Variants in CNOT2 observed in about 807,000 individuals in gnomAD.
CNOT2 encodes CCR4-NOT transcription complex subunit 2, also known as CC chemokine receptor 4-negative regulator of transcription 2.
A neutral mutation model predicts 72.1 loss-of-function variants in CNOT2; 7 were observed. That is an observed-to-expected ratio of 0.10 (90% CI 0.06 to 0.18). CNOT2 has a LOEUF of 0.18. Ranked by LOEUF, CNOT2 falls within the 10% of genes least tolerant of loss-of-function variation. CNOT2 has a pLI of 1.00. For missense variants in CNOT2, 345 were observed against 660.3 expected (o/e 0.52, Z 5.23); for synonymous variants, 196 against 225.6 (o/e 0.87, Z 1.17).
At chr12:70,284,314 C>T (rs4761193) in intron 2 of CNOT2, among the ~76,000 whole-genome samples, 11,991 of 151,546 alleles carry the variant, frequency 0.079, 583 homozygotes, top group Admixed American at 0.15. Flanking sequence ...GCACCATCTC[C>T]GCTCACTGCA....
At chr12:70,330,220 T>C in intron 5 of CNOT2, 67 bp from the exon 6 acceptor site, 4 of 711,498 alleles carry the variant, frequency 5.6e-6, no homozygotes, top group Non-Finnish European at 9.3e-6. Context: ...GACCAATTGA[T>C]TATTTAAAGA....
In CNOT2 at chr12:70,354,374, A is replaced by G. The variant is rs1883236591; in HGVS notation, c.*459A>G. 1 of 154,112 alleles carries G rather than the reference A, an allele frequency of 6.5e-6. No homozygotes were observed. The highest frequency in any genetic ancestry group is 1.4e-5 in the Non-Finnish European group (1 of 69,246). 9.5% of individuals were successfully genotyped at this position (154,112 alleles called of 1,614,324 possible). ...TATGTGAAGATCCTTCTCGTATTTC[A>G]TTTGGAAAGATGAGCAAGAGGTCTG... On this transcript the variant is annotated 3_prime_UTR_variant, in exon 16 of 16. Coordinates refer to ENST00000229195, the MANE Select transcript of CNOT2 (RefSeq NM_014515.7).
At chr12:70,342,872 T>C (rs1044738966) in intron 13 of CNOT2, among the ~76,000 whole-genome samples, 8 of 152,186 alleles carry the variant, frequency 5.3e-5, no homozygotes, top group African/African-American at 1.7e-4. Context: ...TACCTAAATT[T>C]TAGCCTTGGG....
rs1223979770 is a variant in CNOT2 at position 70,310,915 on chromosome 12, T to C, written c.69T>C (p.Gly23=). ...RNYQVTNSMF[G]ASRKKFVEGV... ...TTTAGGTGACAAACAGCATGTTTGG[T>C]GCTTCAAGAAAGAAGTTTGTAGAGG... Residue 23 remains glycine (G), a synonymous_variant, in exon 3 of 16, where the codon GGT becomes GGC. Coordinates refer to ENST00000229195, the MANE Select transcript of CNOT2 (RefSeq NM_014515.7). 6.2e-7 allele frequency: 1 copy of C among 1,611,770 alleles called. No individual in the cohort carries two copies. The highest frequency in any genetic ancestry group is 8.5e-7 in the Non-Finnish European group (1 of 1,178,482).
rs1377227732 is a variant in CNOT2, at chr12:70,289,997, T to C, written c.48+11723T>C. Among the ~76,000 whole-genome samples, 7 of 152,176 alleles carry C rather than the reference T, an allele frequency of 4.6e-5. No homozygotes were observed. The East Asian group carries it at 1.2e-3, about 25-fold the overall frequency. On this transcript the variant is annotated intron_variant, in intron 2 of 15. Coordinates refer to ENST00000229195, the MANE Select transcript of CNOT2 (RefSeq NM_014515.7). ...CTTGTGGTTGCAGTTAAGTTACTTATAATAGAAGCCATTTGATCTTTGAGA... is the reference window on the plus strand; with the variant it reads ...CTTGTGGTTGCAGTTAAGTTACTTACAATAGAAGCCATTTGATCTTTGAGA...
chr12:70,250,187 A>C (rs922250920), intron 1 of CNOT2, among the ~76,000 whole-genome samples: 1 of 152,154 alleles, frequency 6.6e-6, no homozygotes, highest in African/African-American at 2.4e-5. Flanking sequence ...GTGAAGCACA[A>C]ATAAGTGAAA....
intron 15 of CNOT2, chr12:70,348,078 A>C (rs957161037): frequency 6.6e-6 from 1 of 152,242 alleles, no homozygotes; most frequent in East Asian, 1.9e-4. Context: ...TATGAAGATT[A>C]AATGAGATTT....
At chr12:70,320,775 T>C (rs930213040) in intron 4 of CNOT2, among the ~76,000 whole-genome samples, 4 of 151,718 alleles carry the variant, frequency 2.6e-5, no homozygotes, top group Admixed American at 2.6e-4. Flanking sequence ...AAAGTAGATA[T>C]GGATTGGAGA....
chr12:70,284,045 G>A (rs553843332), intron 2 of CNOT2, among the ~76,000 whole-genome samples: 38 of 148,382 alleles, frequency 2.6e-4, no homozygotes, highest in East Asian at 1.6e-3. Flanking sequence ...GGGTTGAAGC[G>A]ATTCTCCTGC....
intron 1 of CNOT2, among the ~76,000 whole-genome samples, chr12:70,264,212 C>T (rs1251502976): frequency 6.6e-6 from 1 of 152,088 alleles, no homozygotes; most frequent in Non-Finnish European, 1.5e-5. Flanking sequence ...GAGGTCTGTT[C>T]CTAGCTATCT....
chr12:70,299,623 T>C (rs181078443), intron 2 of CNOT2, among the ~76,000 whole-genome samples: 186 of 152,318 alleles, frequency 1.2e-3, no homozygotes, highest in Admixed American at 3.3e-3. Flanking sequence ...CAGTCTATCA[T>C]TGTTGGACCT....
intron 15 of CNOT2, among the ~76,000 whole-genome samples, chr12:70,349,971 A>G (rs556915576): frequency 9.2e-5 from 14 of 151,788 alleles, no homozygotes; most frequent in Admixed American, 3.9e-4. Context: ...TTGCATCACT[A>G]TACTCCAGCC....
At chr12:70,259,020 A>G (rs2135728897) in intron 1 of CNOT2, among the ~76,000 whole-genome samples, 1 of 152,340 alleles carries the variant, frequency 6.6e-6, no homozygotes, top group South Asian at 2.1e-4. Flanking sequence ...ACTTACAGTA[A>G]AATATACCTT....
chr12:70,268,095 C>T (rs1959139053), intron 1 of CNOT2, among the ~76,000 whole-genome samples: 1 of 152,202 alleles, frequency 6.6e-6, no homozygotes, highest in South Asian at 2.1e-4. Flanking sequence ...TCTAAGTTTT[C>T]TACCGGTATT....
At position 70,251,497 on chromosome 12, in the gene CNOT2, ATGAGGTCTTAT is replaced by A. The variant is rs1958140995; in HGVS notation, c.-96+8018_-96+8028del. Among the ~76,000 whole-genome samples, 3 of 152,292 alleles carry A rather than the reference ATGAGGTCTTAT, an allele frequency of 2.0e-5. No individual in the cohort carries two copies. In the South Asian group the frequency reaches 6.2e-4, roughly 32 times the overall value. ...GTTGAAGGAATGAAGTAGCCACAGT[ATGAGGTCTTAT>A]CTTTTATGTGATGAGGGAACCATTA... On this transcript the variant is annotated intron_variant, in intron 1 of 15. Coordinates refer to ENST00000229195, the MANE Select transcript of CNOT2 (RefSeq NM_014515.7).
Position 70,341,544 on chromosome 12 carries a change from T to C in CNOT2, c.1179-563T>C, listed in dbSNP as rs373535921. Among the ~76,000 whole-genome samples, 3 of 152,258 alleles carry C rather than the reference T, an allele frequency of 2.0e-5. No individual in the cohort carries two copies. The South Asian group carries it at 6.2e-4, about 32-fold the overall frequency. Reference sequence around the variant, plus strand: ...TTATTTATTTATTCTGTTAATTGATTTTGTCTGTCCCCCTCCAATCCACCA... The same window carrying C: ...TTATTTATTTATTCTGTTAATTGATCTTGTCTGTCCCCCTCCAATCCACCA... On this transcript the variant is annotated intron_variant, in intron 11 of 15. Transcript: ENST00000229195.
intron 2 of CNOT2, among the ~76,000 whole-genome samples, chr12:70,307,224 C>T (rs140706988): frequency 6.6e-6 from 1 of 152,114 alleles, no homozygotes; most frequent in African/African-American, 2.4e-5. Flanking sequence ...ATGAGTTAAC[C>T]TTAGCTTACC....
chr12:70,286,582 C>T (rs1870936501), intron 2 of CNOT2, among the ~76,000 whole-genome samples: 1 of 149,718 alleles, frequency 6.7e-6, no homozygotes, highest in Non-Finnish European at 1.5e-5. Flanking sequence ...TTTCTTATGT[C>T]TCTGTTACCT....
chr12:70,322,326 A>T (rs1379572775), intron 4 of CNOT2: 3 of 151,764 alleles, frequency 2.0e-5, no homozygotes, highest in African/African-American at 7.3e-5. Flanking sequence ...AAGCTTCAAG[A>T]CCCATGAGCT....
Sources: gnomAD v4.1 joint callset for allele counts (sites outside exome capture counted in the v4.1 genomes callset) on GRCh38, gnomAD v4.1.1 for gene constraint, MANE v1.5 for transcripts, NCBI Gene and HGNC (gene_info 2026-07-23, HGNC 2026-07-21) for gene names.